The following A2ML1 variants were observed in gnomAD, a reference collection of about 807,000 sequenced individuals.
The protein encoded by A2ML1 is alpha-2-macroglobulin like 1.
A neutral mutation model predicts 181.9 loss-of-function variants in A2ML1; 161 were observed. The observed-to-expected ratio is 0.89, with a 90% CI of 0.78 to 1.01. A2ML1 has a LOEUF of 1.01. Among genes scored for constraint, A2ML1 ranks in the 50% least tolerant of loss-of-function variants. The pLI, the probability that A2ML1 is intolerant of heterozygous loss-of-function variation, is 0.00. For synonymous variants in A2ML1, 663 were observed against 666.8 expected (o/e 0.99, Z 0.09); for missense variants, 1,670 against 1,768.1 (o/e 0.94, Z 1.00).
intron 33 of A2ML1, among the ~76,000 whole-genome samples, chr12:8,872,992 A>AT (rs1944679899): frequency 6.6e-6 from 1 of 151,872 alleles, no homozygotes; most frequent in Non-Finnish European, 1.5e-5. Flanking sequence ...TTTGTTTTTT[A>AT]TTTTTTTAAA....
chr12:8,868,726 C>CAT, intron 32 of A2ML1, 99 bp downstream of exon 32: 1 of 843,310 alleles, frequency 1.2e-6, no homozygotes, highest in Admixed American at 2.5e-5. Context: ...TGTATACACA[C>CAT]ACACACACAA....
Position 8,874,098 on chromosome 12 carries a change from A to T in A2ML1, c.4222-327A>T, listed in dbSNP as rs1275658223. 2.6e-5 allele frequency among the ~76,000 whole-genome samples: 4 copies of T among 151,952 alleles called. No homozygotes were observed. In the East Asian group the frequency reaches 7.7e-4, roughly 29 times the overall value. On this transcript the variant is annotated intron_variant, in intron 33 of 35. Coordinates refer to ENST00000299698, the MANE Select transcript of A2ML1 (RefSeq NM_144670.6). ...TGGCGCCATCTCGGCTCACTGCAAC[A>T]TCTGCCTCCCAGGTTCAAGCGATTC... is the stretch of plus-strand genomic sequence containing the variant.
At chr12:8,829,175 T>G (rs1943028761) in intron 3 of A2ML1, among the ~76,000 whole-genome samples, 2 of 152,154 alleles carry the variant, frequency 1.3e-5, no homozygotes. Context: ...AGTTGTTCAG[T>G]TTGGTGTTAC....
Position 8,857,587 on chromosome 12 carries a change from T to G in A2ML1, c.3106T>G (p.Trp1036Gly). The change falls in exon 25 of 36, where the codon TGG becomes GGG. Residue 1036 changes from tryptophan to glycine, a missense_variant and splice_region_variant. Physicochemically the swap from Trp to Gly is radical, Grantham distance 184 (BLOSUM62 -2). Coordinates refer to ENST00000299698, the MANE Select transcript of A2ML1 (RefSeq NM_144670.6). ...FGERDGNGNT[W>G]LTAFVTKCFG... is the part of the protein sequence containing the mutation. ...GGAGCGAGATGGAAATGGAAACACATGGTAATATCACCCAATTCCCAATGA... is the reference window on the plus strand; with the variant it reads ...GGAGCGAGATGGAAATGGAAACACAGGGTAATATCACCCAATTCCCAATGA... 2 of 1,609,980 alleles carry G rather than the reference T, an allele frequency of 1.2e-6. No homozygotes were observed. Among genetic ancestry groups the G allele is most frequent in the Non-Finnish European group, 1.7e-6 (2 of 1,178,106 alleles).
chr12:8,881,994 G>C (rs1565500751), intron 7 of A2ML1, among the ~76,000 whole-genome samples: 1 of 151,450 alleles, frequency 6.6e-6, no homozygotes, highest in Non-Finnish European at 1.5e-5. Flanking sequence ...CTGGGCGACA[G>C]AGCGAGACTC....
chr12:8,884,255 T>TTA (rs768577105), intron 7 of A2ML1, among the ~76,000 whole-genome samples: 6,190 of 149,062 alleles, frequency 0.042, 166 homozygotes, highest in Non-Finnish European at 0.05. Context: ...TGTTTTTTTT[T>TTA]AACTATTTTC....
At chr12:8,826,755 T>A (rs1942942772) in intron 3 of A2ML1, among the ~76,000 whole-genome samples, 2 of 151,822 alleles carry the variant, frequency 1.3e-5, no homozygotes, top group Non-Finnish European at 2.9e-5. Context: ...AGTAGCTGGG[T>A]TTACAGGTGA....
rs7308106 is a variant in A2ML1 at position 8,843,160 on chromosome 12, A to T, written c.1275A>T (p.Val425=). Residue 425 remains valine, a synonymous_variant, in exon 12 of 36, where the codon GTA becomes GTT. Transcript: ENST00000299698. ...GAAAGTTTCAAATGGAAGACTTAGTATATAATCCGGAACAAGTGCCACGTT... is the reference window on the plus strand; with the variant it reads ...GAAAGTTTCAAATGGAAGACTTAGTTTATAATCCGGAACAAGTGCCACGTT... ...LEGKFQMEDL[V]YNPEQVPRYY... 1.2e-6 allele frequency: 2 copies of T among 1,614,146 alleles called. No homozygotes were observed. The highest frequency in any genetic ancestry group is 1.7e-6 in the Non-Finnish European group (2 of 1,180,000).
At chr12:8,824,330 G>T (rs1341671796) in intron 3 of A2ML1, among the ~76,000 whole-genome samples, 1 of 147,564 alleles carries the variant, frequency 6.8e-6, no homozygotes, top group African/African-American at 2.5e-5. Context: ...CTATGTTTGG[G>T]TTTTTTTTAT....
intron 3 of A2ML1, among the ~76,000 whole-genome samples, chr12:8,829,211 T>C (rs1464614096): frequency 2.0e-5 from 3 of 152,196 alleles, no homozygotes; most frequent in Non-Finnish European, 4.4e-5. Flanking sequence ...GGGTGGTCAA[T>C]GGAGGCTTCT....
At chr12:8,854,069 T>A in intron 20 of A2ML1, 59 bp from the exon 21 acceptor site, 1 of 1,473,024 alleles carries the variant, frequency 6.8e-7, no homozygotes, top group Non-Finnish European at 9.0e-7. Context: ...CAAATGGGAA[T>A]GGACCTCACT....
downstream of A2ML1, among the ~76,000 whole-genome samples, chr12:8,878,082 C>G (rs61919512): frequency 0.063 from 9,506 of 152,000 alleles, 478 homozygotes; most frequent in Middle Eastern, 0.099. The surrounding 1 kb of genome is among the most constrained non-coding windows in gnomAD (Gnocchi z 4.4). Context: ...GTGGGTGGAT[C>G]ACCTGAGGTC....
intron 25 of A2ML1, 118 bp from the exon 26 acceptor site, chr12:8,857,828 A>G: frequency 2.1e-6 from 3 of 1,401,622 alleles, no homozygotes; most frequent in Non-Finnish European, 2.9e-6. Context: ...TAGGCCTGCT[A>G]TGGCATATGT....
At chr12:8,883,354 C>G (rs748235951) in intron 7 of A2ML1, among the ~76,000 whole-genome samples, 1 of 152,196 alleles carries the variant, frequency 6.6e-6, no homozygotes. Flanking sequence ...GGAGCAGCCA[C>G]GTGCCCAACT....
Position 8,848,870 on chromosome 12 carries a change from A to G in A2ML1, c.1984A>G (p.Arg662Gly), listed in dbSNP as rs1275867775. 5.0e-6 allele frequency: 8 copies of G among 1,613,976 alleles called. No homozygotes were observed. The highest frequency in any genetic ancestry group is 6.8e-6 in the Non-Finnish European group (8 of 1,180,014). Residue 662 changes from arginine (R) to glycine (G), a missense_variant, in exon 16 of 36, where the codon AGG becomes GGG. Transcript: ENST00000299698. ...TTCGAGCCAGCGTTCCATTATCTGGAGGCCCTCGTTCTCTGAAGGCACGGA... is the reference window on the plus strand; with the variant it reads ...TTCGAGCCAGCGTTCCATTATCTGGGGGCCCTCGTTCTCTGAAGGCACGGA... Reference protein sequence around the residue: ...GHSSQRSIIWRPSFSEGTDLF... With the variant: ...GHSSQRSIIWGPSFSEGTDLF...
At chr12:8,836,071 A>T (rs1943264846) in intron 6 of A2ML1, among the ~76,000 whole-genome samples, 184 bp from the exon 7 acceptor site, 2 of 151,574 alleles carry the variant, frequency 1.3e-5, no homozygotes, top group African/African-American at 4.9e-5. Context: ...CTGGGAAAGG[A>T]TTATTTACTC....
At chr12:8,848,445 C>T (rs1304987058) in intron 15 of A2ML1, among the ~76,000 whole-genome samples, 1 of 151,344 alleles carries the variant, frequency 6.6e-6, no homozygotes, top group Non-Finnish European at 1.5e-5. Context: ...CGTCCCACTG[C>T]ACTTCAATCT....
chr12:8,857,858 G>C, intron 25 of A2ML1, 88 bp from the exon 26 acceptor site: 6 of 1,537,212 alleles, frequency 3.9e-6, no homozygotes, highest in Non-Finnish European at 5.3e-6. Flanking sequence ...TCCCCTTCTG[G>C]AAGTATACAC....
intron 11 of A2ML1, among the ~76,000 whole-genome samples, chr12:8,842,349 G>A (rs1397834726): frequency 6.6e-6 from 1 of 151,748 alleles, no homozygotes; most frequent in Non-Finnish European, 1.5e-5. Flanking sequence ...TCCCCGAGTA[G>A]CTGGGACTAC....
Sources: allele counts gnomAD v4.1 joint callset (sites outside exome capture counted in the v4.1 genomes callset), GRCh38; gene constraint gnomAD v4.1.1; non-coding constraint Gnocchi (gnomAD v3.1); transcripts MANE v1.5; gene names NCBI Gene and HGNC (gene_info 2026-07-23, HGNC 2026-07-21).